The following EXOC2 variants were observed in gnomAD, a reference collection of about 807,000 sequenced individuals.
EXOC2 encodes SEC5-like 1.
A neutral mutation model predicts 131.8 loss-of-function variants in EXOC2; 70 were observed. The ratio of observed to expected loss-of-function variants is 0.53; its 90% CI spans 0.44 to 0.65. The LOEUF (loss-of-function observed/expected upper bound fraction) is 0.65, where lower values mean the gene tolerates loss of function less well. Among genes scored for constraint, EXOC2 ranks in the 30% least tolerant of loss-of-function variants. EXOC2 has a pLI of 0.00. For missense variants in EXOC2, 923 were observed against 1,108.6 expected (o/e 0.83, Z 2.38); for synonymous variants, 411 against 398.4 (o/e 1.03, Z -0.38).
Position 592,499 on chromosome 6 carries a change from A to G in EXOC2, c.1162T>C (p.Cys388Arg). The G allele has an allele frequency of 6.2e-7, 1 of 1,614,044 alleles. No individual in the cohort carries two copies. Among genetic ancestry groups the G allele is most frequent in the Non-Finnish European group, 8.5e-7 (1 of 1,179,956 alleles). Residue 388 changes from cysteine (C) to arginine (R), a missense_variant, in exon 11 of 28, where the codon TGC becomes CGC. Cys to Arg is a radical substitution (Grantham distance 180, BLOSUM62 -3). Coordinates refer to ENST00000230449, the MANE Select transcript of EXOC2 (RefSeq NM_018303.6). ...HKWILQLMHS[C>R]KEGYVKDLKG... ...AGATCTTTCACGTAGCCCTCTTTGC[A>G]ACTGTGCATGAGCTGAAGGATCCAC... is the stretch of plus-strand genomic sequence containing the variant.
At chr6:643,180 C>T (rs186379175) in intron 1 of EXOC2, among the ~76,000 whole-genome samples, 505 of 152,140 alleles carry the variant, frequency 3.3e-3, no homozygotes, top group Non-Finnish European at 5.4e-3. Flanking sequence ...TTTAATATTC[C>T]CTTTCAATAT....
At chr6:615,908 T>C (rs1409143700) in intron 6 of EXOC2, among the ~76,000 whole-genome samples, 3 of 152,186 alleles carry the variant, frequency 2.0e-5, no homozygotes, top group Non-Finnish European at 2.9e-5. Flanking sequence ...GAACTGGGAA[T>C]GAGATGATAT....
At chr6:688,156 T>A (rs1764751338) in intron 1 of EXOC2, among the ~76,000 whole-genome samples, 3 of 152,188 alleles carry the variant, frequency 2.0e-5, no homozygotes, top group South Asian at 4.1e-4. Context: ...GCAAGACCGC[T>A]TGCTAAGAGT....
In EXOC2 at chr6:592,490, C is replaced by T. The variant is rs1338675367; in HGVS notation, c.1171G>A (p.Gly391Ser). 1.2e-6 allele frequency: 2 copies of T among 1,613,814 alleles called. No individual in the cohort carries two copies. The highest frequency in any genetic ancestry group is 3.3e-5 in the Admixed American group (2 of 59,998). Residue 391 changes from glycine (G) to serine (S), a missense_variant, in exon 11 of 28, where the codon GGC (glycine) becomes AGC (serine). Coordinates refer to ENST00000230449, the MANE Select transcript of EXOC2 (RefSeq NM_018303.6). Reference protein sequence around the residue: ...ILQLMHSCKEGYVKDLKGNPG... With the variant: ...ILQLMHSCKESYVKDLKGNPG... ...TTGCCTTTCAGATCTTTCACGTAGCCCTCTTTGCAACTGTGCATGAGCTGA... is the reference window on the plus strand; with the variant it reads ...TTGCCTTTCAGATCTTTCACGTAGCTCTCTTTGCAACTGTGCATGAGCTGA...
chr6:517,026 G>A (rs1027671955), intron 23 of EXOC2, among the ~76,000 whole-genome samples: 2 of 152,206 alleles, frequency 1.3e-5, no homozygotes, highest in Non-Finnish European at 2.9e-5. Context: ...GCTGGAATAT[G>A]AGAAGGGACC....
intron 23 of EXOC2, among the ~76,000 whole-genome samples, chr6:502,020 G>C (rs895923221): frequency 3.9e-5 from 6 of 152,114 alleles, no homozygotes; most frequent in African/African-American, 1.2e-4. Flanking sequence ...CGCTGCTGTG[G>C]GGGCACTGGG....
chr6:512,116 T>A (rs1024128133), intron 23 of EXOC2, among the ~76,000 whole-genome samples: 1 of 152,248 alleles, frequency 6.6e-6, no homozygotes, highest in Non-Finnish European at 1.5e-5. Flanking sequence ...TGCCCTTTTG[T>A]CAGCAGGGGA....
At chr6:498,573 G>A (rs1293260753) in intron 24 of EXOC2, among the ~76,000 whole-genome samples, 1 of 152,184 alleles carries the variant, frequency 6.6e-6, no homozygotes, top group Non-Finnish European at 1.5e-5. Flanking sequence ...GAATTTGTAT[G>A]TTTCCCTTTC....
rs767563879 is a variant in EXOC2, at chr6:610,079, G to T, written c.742+19C>A. On this transcript the variant is annotated intron_variant, in intron 7 of 27. Transcript: ENST00000230449. ...TTGTAAAATCCATAAATAGTTCTGG[G>T]TAGTAGGACAAAACTTACTGTTCAG... The T allele has an allele frequency of 1.2e-6, 2 of 1,607,000 alleles. No homozygotes were observed. Among genetic ancestry groups the T allele is most frequent in the Non-Finnish European group, 1.7e-6 (2 of 1,174,634 alleles).
intron 10 of EXOC2, among the ~76,000 whole-genome samples, chr6:595,747 G>T (rs558144849): frequency 7.9e-5 from 12 of 152,170 alleles, no homozygotes; most frequent in African/African-American, 2.4e-4. Flanking sequence ...CACACGCAGT[G>T]AAGGAGCAGG....
chr6:634,892 C>T (rs1762030395), intron 2 of EXOC2, among the ~76,000 whole-genome samples: 1 of 152,044 alleles, frequency 6.6e-6, no homozygotes, highest in African/African-American at 2.4e-5. Context: ...CAAACTCCAC[C>T]TCGCGAGAGA....
At chr6:513,599 G>A (rs1167199851) in intron 23 of EXOC2, among the ~76,000 whole-genome samples, 1 of 152,118 alleles carries the variant, frequency 6.6e-6, no homozygotes, top group South Asian at 2.1e-4. Flanking sequence ...TGCATTCTAT[G>A]TATAATCCTT....
chr6:522,751 C>G (rs1765542809), intron 23 of EXOC2, among the ~76,000 whole-genome samples: 1 of 152,224 alleles, frequency 6.6e-6, no homozygotes, highest in Admixed American at 6.5e-5. Flanking sequence ...AGGCCTCAGC[C>G]AGGTCTGAGG....
chr6:491,732 A>T (rs750601592), intron 25 of EXOC2, among the ~76,000 whole-genome samples: 1 of 152,248 alleles, frequency 6.6e-6, no homozygotes, highest in Non-Finnish European at 1.5e-5. Context: ...TGATTGTAAA[A>T]TTCATAAGGA....
Position 495,360 on chromosome 6 carries a change from G to A in EXOC2, c.2559+2007C>T, listed in dbSNP as rs566149449. Reference sequence around the variant, plus strand: ...AGGATGGTCTCGATCTCCTGACCTCGTGATCCGCCCGCCTCGGCCTCCCAA... The same window carrying A: ...AGGATGGTCTCGATCTCCTGACCTCATGATCCGCCCGCCTCGGCCTCCCAA... On this transcript the variant is annotated intron_variant, in intron 25 of 27. Transcript: ENST00000230449. 2.0e-3 allele frequency among the ~76,000 whole-genome samples: 308 copies of A among 152,008 alleles called. 1 individual carries two copies. The highest frequency in any genetic ancestry group is 3.4e-3 in the Middle Eastern group (1 of 292).
At chr6:616,335 G>A (rs1007722327) in intron 6 of EXOC2, among the ~76,000 whole-genome samples, 1 of 152,192 alleles carries the variant, frequency 6.6e-6, no homozygotes, top group Admixed American at 6.5e-5. Flanking sequence ...CGGGCGCGGT[G>A]GCTCACGCCT....
chr6:518,052 G>T (rs1051167461), intron 23 of EXOC2, among the ~76,000 whole-genome samples: 1 of 152,094 alleles, frequency 6.6e-6, no homozygotes, highest in Non-Finnish European at 1.5e-5. Context: ...ATCCTGATAC[G>T]AACAAACTGT....
Position 486,677 on chromosome 6 carries a change from T to C in EXOC2, c.2769A>G (p.Lys923=). 6.2e-7 allele frequency: 1 copy of C among 1,614,104 alleles called. No individual in the cohort carries two copies. The highest frequency in any genetic ancestry group is 8.5e-7 in the Non-Finnish European group (1 of 1,179,942). The change falls in exon 28 of 28, where the codon AAA becomes AAG. Residue 923 remains lysine, a synonymous_variant. Coordinates refer to ENST00000230449, the MANE Select transcript of EXOC2 (RefSeq NM_018303.6). ...CFQAASSTMM[K]T is the part of the protein sequence containing the mutation. ...TCTTTTATGTGGCAGATATTTATGTTTTCATCATGGTTGAAGAAGCTGCTT... is the reference window on the plus strand; with the variant it reads ...TCTTTTATGTGGCAGATATTTATGTCTTCATCATGGTTGAAGAAGCTGCTT...
At chr6:575,879 T>C (rs1431513663) in intron 12 of EXOC2, among the ~76,000 whole-genome samples, 1 of 152,190 alleles carries the variant, frequency 6.6e-6, no homozygotes, top group East Asian at 1.9e-4. Context: ...TCTAACATTG[T>C]TTGTTCTAAT....
Sources: gnomAD v4.1 joint callset for allele counts (sites outside exome capture counted in the v4.1 genomes callset) on GRCh38, gnomAD v4.1.1 for gene constraint, MANE v1.5 for transcripts, NCBI Gene and HGNC (gene_info 2026-07-23, HGNC 2026-07-21) for gene names.